The following ULK4 variants were observed in gnomAD, a reference collection of about 807,000 sequenced individuals.
The protein encoded by ULK4 is unc-51 like kinase 4, also known as inactive serine/threonine-protein kinase ULK4.
A neutral mutation model predicts 160.6 loss-of-function variants in ULK4; 133 were observed. The observed-to-expected ratio is 0.83, with a 90% confidence interval of 0.72 to 0.96. The LOEUF (loss-of-function observed/expected upper bound fraction) is 0.96, where lower values mean the gene tolerates loss of function less well. Ranked by LOEUF, ULK4 falls within the 40% of genes least tolerant of loss-of-function variation. The probability of loss-of-function intolerance (pLI) is 0.00; values close to 1 mark genes in which losing one functional copy is unlikely to be tolerated. For synonymous variants in ULK4, 534 were observed against 539.8 expected, an observed-to-expected ratio of 0.99 and a Z score of 0.15; for missense variants, 1,580 against 1,499.5, an observed-to-expected ratio of 1.05 and a Z score of -0.89.
intron 32 of ULK4, among the ~76,000 whole-genome samples, chr3:41,521,950 A>G (rs10510720): frequency 0.096 from 14,661 of 152,096 alleles, 827 homozygotes; most frequent in Admixed American, 0.14. Context: ...ACTTTTTTGG[A>G]AGATAGCTTC....
intron 17 of ULK4, among the ~76,000 whole-genome samples, chr3:41,875,468 A>C (rs570254521): frequency 6.6e-6 from 1 of 152,286 alleles, no homozygotes; most frequent in East Asian, 1.9e-4. Context: ...TCTACAAAAA[A>C]TAAAAAATAA....
Position 41,681,473 on chromosome 3 carries a change from A to T in ULK4, c.2978+35T>A, listed in dbSNP as rs780747556. On this transcript the variant is annotated intron_variant, in intron 29 of 36. Transcript: ENST00000301831. ...GACAGAAGCTTCCTGGATAGCCTAC[A>T]CTTCTCTGCATGAATACAACTGCAT... The T allele has an allele frequency of 2.5e-6, 4 of 1,612,096 alleles. No individual in the cohort carries two copies. The South Asian group carries it at 3.3e-5, about 13-fold the overall frequency.
At chr3:41,821,847 T>C (rs1196918965) in intron 18 of ULK4, among the ~76,000 whole-genome samples, 2 of 152,142 alleles carry the variant, frequency 1.3e-5, no homozygotes, top group African/African-American at 4.8e-5. Context: ...TAAATAAATA[T>C]ATAAAAAGCT....
intron 34 of ULK4, among the ~76,000 whole-genome samples, chr3:41,423,415 C>G (rs187895939): frequency 1.7e-4 from 26 of 152,180 alleles, no homozygotes; most frequent in African/African-American, 4.8e-4. Context: ...ATTTAGTGGT[C>G]AAATCCAAGA....
Position 41,935,781 on chromosome 3 carries a change from C to A in ULK4, c.378+20G>T. ...TTTGAGACAGAAGCAGTTAGAAAAT[C>A]AAAAACTTTCATGAATTACCTTCCT... On this transcript the variant is annotated intron_variant, in intron 4 of 36. Transcript: ENST00000301831. The A allele has an allele frequency of 1.3e-6, 2 of 1,589,280 alleles. No homozygotes were observed. The highest frequency in any genetic ancestry group is 1.4e-5 in the African/African-American group (1 of 73,546).
intron 30 of ULK4, among the ~76,000 whole-genome samples, chr3:41,624,485 GTTC>G (rs966639495): frequency 8.5e-5 from 13 of 152,064 alleles, no homozygotes; most frequent in African/African-American, 2.9e-4. Context: ...ACTGCAGCTA[GTTC>G]TTCTCCAGGT....
chr3:41,829,905 A>C (rs28581706), intron 18 of ULK4, among the ~76,000 whole-genome samples: 35,258 of 146,874 alleles, frequency 0.24, 5,339 homozygotes, highest in African/African-American at 0.43. Flanking sequence ...CCAGATGTCC[A>C]ACAATGATAG....
intron 35 of ULK4, among the ~76,000 whole-genome samples, chr3:41,290,617 A>G (rs2079541535): frequency 6.6e-6 from 1 of 152,170 alleles, no homozygotes. Flanking sequence ...GTCCCCAGTA[A>G]CTGGACTGAA....
At chr3:41,541,327 C>T (rs987525910) in intron 32 of ULK4, among the ~76,000 whole-genome samples, 1 of 152,134 alleles carries the variant, frequency 6.6e-6, no homozygotes, top group African/African-American at 2.4e-5. Context: ...TGTCAAAGAT[C>T]AGATGGTTGT....
intron 30 of ULK4, among the ~76,000 whole-genome samples, chr3:41,653,074 C>T (rs1159724434): frequency 3.4e-5 from 5 of 148,370 alleles, no homozygotes; most frequent in Non-Finnish European, 7.4e-5. Flanking sequence ...CTATCCCGGG[C>T]CCAGCTAATT....
At chr3:41,662,675 C>T (rs2035216922) in intron 30 of ULK4, among the ~76,000 whole-genome samples, 1 of 152,112 alleles carries the variant, frequency 6.6e-6, no homozygotes, top group Non-Finnish European at 1.5e-5. Context: ...TGCACTGCAC[C>T]TACAGATGGT....
chr3:41,484,458 C>CTTTTTTTTTTTTTTTTTTTTTTTT (rs369059587), intron 32 of ULK4, among the ~76,000 whole-genome samples: 3 of 134,858 alleles, frequency 2.2e-5, no homozygotes, highest in African/African-American at 2.8e-5. Context: ...CTTTCTTTTC[C>CTTTTTTTTTTTTTTTTTTTTTTTT]TTTTTTTGTT....
chr3:41,910,235 T>G (rs1698731806), intron 11 of ULK4, among the ~76,000 whole-genome samples: 2 of 152,170 alleles, frequency 1.3e-5, no homozygotes. Context: ...CCTAATTACT[T>G]TAAGATACCA....
intron 16 of ULK4, among the ~76,000 whole-genome samples, chr3:41,893,884 A>T (rs1698059157): frequency 6.6e-6 from 1 of 152,180 alleles, no homozygotes; most frequent in African/African-American, 2.4e-5. Flanking sequence ...TAAGTTAAGG[A>T]CCCTTTATCA....
intron 7 of ULK4, among the ~76,000 whole-genome samples, chr3:41,917,546 G>A (rs761482139): frequency 2.6e-5 from 4 of 152,002 alleles, no homozygotes; most frequent in Non-Finnish European, 5.9e-5. Context: ...CTTTAACAAT[G>A]TATAGCAAAA....
intron 32 of ULK4, among the ~76,000 whole-genome samples, chr3:41,516,574 C>A (rs895079064): frequency 1.3e-5 from 2 of 151,788 alleles, no homozygotes; most frequent in African/African-American, 4.8e-5. Context: ...GTGAAATAAG[C>A]CAGGCACAGA....
At chr3:41,251,404 G>C (rs1442483318) in intron 35 of ULK4, among the ~76,000 whole-genome samples, 6 of 152,170 alleles carry the variant, frequency 3.9e-5, no homozygotes, top group African/African-American at 1.4e-4. Flanking sequence ...CTCTCCCTCT[G>C]GATGCAAATC....
intron 2 of ULK4, among the ~76,000 whole-genome samples, chr3:41,953,392 T>C (rs1181842645): frequency 6.7e-6 from 1 of 149,544 alleles, no homozygotes; most frequent in Non-Finnish European, 1.5e-5. Context: ...AACCTCTGCC[T>C]CCCCGGTTCA....
At chr3:41,956,993 A>G (rs1244011333) in intron 1 of ULK4, among the ~76,000 whole-genome samples, 1 of 152,242 alleles carries the variant, frequency 6.6e-6, no homozygotes, top group African/African-American at 2.4e-5. Flanking sequence ...CTAAGGTATA[A>G]GTAGTTAAAT....
Sources: gnomAD v4.1 joint callset for allele counts (sites outside exome capture counted in the v4.1 genomes callset) on GRCh38, gnomAD v4.1.1 for gene constraint, MANE v1.5 for transcripts, NCBI Gene and HGNC (gene_info 2026-07-23, HGNC 2026-07-21) for gene names.